The following FAAH variants were observed in gnomAD, a reference collection of about 807,000 sequenced individuals.
FAAH encodes the protein fatty acid amide hydrolase.
FAAH carries 63 observed loss-of-function variants against 69.7 expected under a neutral mutation model. The ratio of observed to expected loss-of-function variants is 0.90; its 90% CI spans 0.74 to 1.12. FAAH has a LOEUF of 1.12. FAAH is among the 50% of genes most tolerant of loss of function. The pLI, the probability that FAAH is intolerant of heterozygous loss-of-function variation, is 0.00. For missense variants in FAAH, 680 were observed against 755.0 expected (o/e 0.90, Z 1.16); for synonymous variants, 305 against 324.2 (o/e 0.94, Z 0.64).
chr1:46,402,171 C>T lies in FAAH; in HGVS notation c.276C>T (p.Ala92=), dbSNP rs201000359. The change falls in exon 2 of 15, where the codon GCC becomes GCT. Residue 92 remains alanine, a synonymous_variant. Coordinates refer to ENST00000243167, the MANE Select transcript of FAAH (RefSeq NM_001441.3). The part of the protein sequence containing the change: ...LVQKLHSREL[A]PEAVLFTYVG... ...AGAAGTTACACAGTAGAGAGCTGGC[C>T]CCTGAGGCCGTGCTCTTCACCTATG... The T allele has an allele frequency of 1.2e-6, 2 of 1,607,490 alleles. No individual in the cohort carries two copies. Among genetic ancestry groups the T allele is most frequent in the Admixed American group, 1.7e-5 (1 of 59,354 alleles).
rs1241065115 is a variant in FAAH at position 46,398,755 on chromosome 1, G to A, written c.196-3336G>A. Among the ~76,000 whole-genome samples, 10 of 151,978 alleles carry A rather than the reference G, an allele frequency of 6.6e-5. No individual in the cohort carries two copies. The East Asian group carries it at 1.4e-3, about 21-fold the overall frequency. ...TCGCCATGTTGGCCAGGCTGGTCTC[G>A]AACTCCTGACCTCAGGTGATCCGCC... On this transcript the variant is annotated intron_variant, in intron 1 of 14. Coordinates refer to ENST00000243167, the MANE Select transcript of FAAH (RefSeq NM_001441.3).
At position 46,404,243 on chromosome 1, in the gene FAAH, C is replaced by T. The variant is rs974318660; in HGVS notation, c.310-771C>T. On this transcript the variant is annotated intron_variant, in intron 2 of 14. Coordinates refer to ENST00000243167, the MANE Select transcript of FAAH (RefSeq NM_001441.3). The surrounding 1 kb of genome is among the most constrained non-coding windows in gnomAD (Gnocchi z 4.5). ...AGATTAGCCTTCTCTGTTCCTGCCTCGGGTACCCCGGGGACAGATTTTGCA... is the reference window on the plus strand; with the variant it reads ...AGATTAGCCTTCTCTGTTCCTGCCTTGGGTACCCCGGGGACAGATTTTGCA... 3.9e-5 allele frequency among the ~76,000 whole-genome samples: 6 copies of T among 152,182 alleles called. No homozygotes were observed. Among genetic ancestry groups the T allele is most frequent in the Admixed American group, 1.3e-4 (2 of 15,282 alleles).
In FAAH at chr1:46,394,868, G is replaced by C. The variant is rs953560253; in HGVS notation, c.195+325G>C. On this transcript the variant is annotated intron_variant, in intron 1 of 14. Coordinates refer to ENST00000243167, the MANE Select transcript of FAAH (RefSeq NM_001441.3). ...AGCGTGACAACCAGTGGGATGCCAG[G>C]GGTTGAGGACTTTGGAATCGCAGAG... 5.9e-5 allele frequency among the ~76,000 whole-genome samples: 9 copies of C among 152,242 alleles called. No individual in the cohort carries two copies. In the East Asian group the frequency reaches 1.2e-3, roughly 20 times the overall value.
chr1:46,409,621 G>A (rs1664863796), intron 9 of FAAH, among the ~76,000 whole-genome samples: 1 of 152,104 alleles, frequency 6.6e-6, no homozygotes, highest in African/African-American at 2.4e-5. Context: ...AAAGTGGGTG[G>A]GTTGGACCAG....
chr1:46,398,212 G>A (rs1343145256), intron 1 of FAAH, among the ~76,000 whole-genome samples: 1 of 152,212 alleles, frequency 6.6e-6, no homozygotes, highest in Non-Finnish European at 1.5e-5. Context: ...TGGGATAACA[G>A]GTGTGAGCCA....
Position 46,405,707 on chromosome 1 carries a change from G to C in FAAH, c.698G>C (p.Gly233Ala). The change falls in exon 5 of 15, where the codon GGC (glycine) becomes GCC (alanine). Residue 233 changes from glycine (G) to alanine (A), a missense_variant. Transcript: ENST00000243167. The surrounding 1 kb of genome is among the most constrained non-coding windows in gnomAD (Gnocchi z 4.1). Reference sequence around the variant, plus strand: ...ATCGGGTCTGGAGGCTCCCCCCTGGGCTTAGGCACTGATATCGGAGGCAGC... The same window carrying C: ...ATCGGGTCTGGAGGCTCCCCCCTGGCCTTAGGCACTGATATCGGAGGCAGC... ...ALIGSGGSPL[G>A]LGTDIGGSIR... 1 of 1,613,586 alleles carries C rather than the reference G, an allele frequency of 6.2e-7. No homozygotes were observed. Among genetic ancestry groups the C allele is most frequent in the East Asian group, 2.2e-5 (1 of 44,886 alleles).
At position 46,411,334 on chromosome 1, in the gene FAAH, A is replaced by T. The variant is rs1448155672; in HGVS notation, c.1317-278A>T. ...CTTACCACCAGGCTTCAGGACTGGC[A>T]GCAGCTATGGCCTCTCCCGTGTCCT... On this transcript the variant is annotated intron_variant, in intron 11 of 14. Transcript: ENST00000243167. This position sits in a 1 kb window ranked among gnomAD's most constrained non-coding sequence, Gnocchi z 4.8. 1.3e-5 allele frequency among the ~76,000 whole-genome samples: 2 copies of T among 152,206 alleles called. No individual in the cohort carries two copies. The highest frequency in any genetic ancestry group is 2.9e-5 in the Non-Finnish European group (2 of 68,032).
At chr1:46,401,293 T>G (rs1302300399) in intron 1 of FAAH, among the ~76,000 whole-genome samples, 1 of 151,970 alleles carries the variant, frequency 6.6e-6, no homozygotes, top group Non-Finnish European at 1.5e-5. Flanking sequence ...ATCTGGCATC[T>G]TCTTATCCTT....
At chr1:46,395,195 C>T (rs1223278127) in intron 1 of FAAH, among the ~76,000 whole-genome samples, 1 of 152,226 alleles carries the variant, frequency 6.6e-6, no homozygotes, top group African/African-American at 2.4e-5. Context: ...CCTGCCTCGG[C>T]CTCCCAAAGT....
At chr1:46,399,192 CAGA>C (rs905845227) in intron 1 of FAAH, among the ~76,000 whole-genome samples, 2 of 152,188 alleles carry the variant, frequency 1.3e-5, no homozygotes, top group African/African-American at 4.8e-5. Flanking sequence ...CATTGTGGTT[CAGA>C]AGGAGAAAAC....
At position 46,411,671 on chromosome 1, in the gene FAAH, A is replaced by C. The variant is rs373960912; in HGVS notation, c.1356+20A>C. ...ATCGAGGTGAGGCCAGAGCCTCTGG[A>C]TTGGAGCAGGGTGGTGGGGGGAGGG... On this transcript the variant is annotated intron_variant, in intron 12 of 14. Coordinates refer to ENST00000243167, the MANE Select transcript of FAAH (RefSeq NM_001441.3). This position sits in a 1 kb window ranked among gnomAD's most constrained non-coding sequence, Gnocchi z 4.8. 1.2e-5 allele frequency: 19 copies of C among 1,547,260 alleles called. No individual in the cohort carries two copies. Among genetic ancestry groups the C allele is most frequent in the Non-Finnish European group, 1.6e-5 (18 of 1,121,336 alleles).
chr1:46,401,375 T>C lies in FAAH; in HGVS notation c.196-716T>C, dbSNP rs61578897. Among the ~76,000 whole-genome samples, 1,002 of 152,234 alleles carry C rather than the reference T, an allele frequency of 6.6e-3. 12 individuals carry two copies. The highest frequency in any genetic ancestry group is 0.041 in the Middle Eastern group (12 of 294). ...AACTGGAACACTCACTGTGAGGGTCTGCGGCTTCATTCTTGAAGTCAGTGA... is the reference window on the plus strand; with the variant it reads ...AACTGGAACACTCACTGTGAGGGTCCGCGGCTTCATTCTTGAAGTCAGTGA... On this transcript the variant is annotated intron_variant, in intron 1 of 14. Transcript: ENST00000243167.
chr1:46,401,282 C>T (rs1345755810), intron 1 of FAAH, among the ~76,000 whole-genome samples: 1 of 151,970 alleles, frequency 6.6e-6, no homozygotes, highest in Non-Finnish European at 1.5e-5. Flanking sequence ...TCTCTCCCCA[C>T]ATCTGGCATC....
intron 1 of FAAH, among the ~76,000 whole-genome samples, chr1:46,395,000 T>G (rs1260413960): frequency 6.6e-6 from 1 of 152,110 alleles, no homozygotes; most frequent in East Asian, 1.9e-4. Flanking sequence ...AGTGCAGTGG[T>G]GCGATCTCGG....
intron 1 of FAAH, 150 bp downstream of exon 1, chr1:46,394,693 A>G (rs564606231): frequency 2.4e-5 from 17 of 712,230 alleles, no homozygotes; most frequent in Middle Eastern, 4.5e-4. Context: ...GATATTCCGC[A>G]CTTTCTGAGC....
intron 13 of FAAH, 26 bp downstream of exon 13, chr1:46,412,277 C>A: frequency 1.3e-6 from 2 of 1,531,538 alleles, no homozygotes; most frequent in Non-Finnish European, 1.8e-6. Flanking sequence ...CTGCCTGTCC[C>A]TTCTGTGAAT....
Position 46,406,097 on chromosome 1 carries a change from T to C in FAAH, c.826+19T>C. 3 of 1,614,158 alleles carry C rather than the reference T, an allele frequency of 1.9e-6. No individual in the cohort carries two copies. Among genetic ancestry groups the C allele is most frequent in the Non-Finnish European group, 8.5e-7 (1 of 1,180,018 alleles). The stretch of plus-strand genomic sequence containing the variant: ...GAGGCAGGTGAGGTCCGTGGTGCTC[T>C]CAGTGCCCCGAGGAGGGTGGGGGTC... On this transcript the variant is annotated intron_variant, in intron 6 of 14. Transcript: ENST00000243167.
chr1:46,394,553 G>C lies in FAAH; in HGVS notation c.195+10G>C, dbSNP rs556580092. The C allele has an allele frequency of 2.7e-4, 358 of 1,345,344 alleles. No individual in the cohort carries two copies. Among genetic ancestry groups the C allele is most frequent in the South Asian group, 8.4e-4 (44 of 52,114 alleles). The allele number at this position is 1,345,344 out of a possible 1,614,324, so 83.3% of individuals were successfully genotyped here. On this transcript the variant is annotated intron_variant, in intron 1 of 14. Coordinates refer to ENST00000243167, the MANE Select transcript of FAAH (RefSeq NM_001441.3). ...GCGCTTCCGGCTCCAGGTGACTGCC[G>C]GAGCGTAGTGGGATGGGCGCGGCCT...
chr1:46,403,038 T>A (rs928200903), intron 2 of FAAH, among the ~76,000 whole-genome samples: 5 of 152,254 alleles, frequency 3.3e-5, no homozygotes, highest in African/African-American at 1.2e-4. Context: ...TTCACCATGT[T>A]GATCAGGCTG....
Sources: gnomAD v4.1 joint callset for allele counts (sites outside exome capture counted in the v4.1 genomes callset) on GRCh38, gnomAD v4.1.1 for gene constraint, Gnocchi (gnomAD v3.1) non-coding constraint, MANE v1.5 for transcripts, NCBI Gene and HGNC (gene_info 2026-07-23, HGNC 2026-07-21) for gene names.